Variants in COL4A4 observed in about 807,000 individuals in gnomAD.
The protein encoded by COL4A4 is collagen alpha-4(IV) chain.
In COL4A4, 105 loss-of-function variants were observed where a neutral mutation model predicts 192.9. The ratio of observed to expected loss-of-function variants is 0.54; its 90% CI spans 0.46 to 0.64. COL4A4 has a LOEUF of 0.64. COL4A4 is among the 30% of genes least tolerant of loss of function. The probability of loss-of-function intolerance (pLI) is 0.00; values close to 1 mark genes in which losing one functional copy is unlikely to be tolerated. For missense variants in COL4A4, 1,967 were observed against 2,169.3 expected (o/e 0.91, Z 1.85); for synonymous variants, 762 against 769.9 (o/e 0.99, Z 0.17).
chr2:227,047,603 A>T (rs1230595908), intron 34 of COL4A4, 54 bp from the exon 35 acceptor site: 2 of 1,242,226 alleles, frequency 1.6e-6, no homozygotes, highest in South Asian at 1.2e-5. Context: ...ATTTGGTCTC[A>T]TACAGGTGAC....
At chr2:227,017,808 C>T (rs890022271) in intron 44 of COL4A4, among the ~76,000 whole-genome samples, 1 of 151,508 alleles carries the variant, frequency 6.6e-6, no homozygotes, top group African/African-American at 2.4e-5. Flanking sequence ...TTTTTTTTAC[C>T]TTTTATTTTA....
At chr2:226,983,066 T>A in the COL4A4 span, among the ~76,000 whole-genome samples, 1 of 152,242 alleles carries the variant, frequency 6.6e-6, no homozygotes, top group Non-Finnish European at 1.5e-5. Flanking sequence ...CCAAATGCCA[T>A]GCTAGTGCAA....
Position 227,147,439 on chromosome 2 carries a change from C to G in COL4A4, c.45G>C (p.Leu15Phe). The G allele has an allele frequency of 6.2e-7, 1 of 1,613,798 alleles. No homozygotes were observed. The highest frequency in any genetic ancestry group is 8.5e-7 in the Non-Finnish European group (1 of 1,179,838). ...HIVLMRCSFR[L>F]TKSLATGPWS... ...AGGGACCTGTGGCCAAGGACTTGGTCAATCTGAAGGAGCACCTCATTAGTA... is the reference window on the plus strand; with the variant it reads ...AGGGACCTGTGGCCAAGGACTTGGTGAATCTGAAGGAGCACCTCATTAGTA... The change falls in exon 2 of 48, where the codon TTG becomes TTC. Residue 15 changes from leucine to phenylalanine, a missense_variant. Leu to Phe is a conservative substitution (Grantham distance 22). Transcript: ENST00000396625.
chr2:226,992,880 C>T, the COL4A4 span, among the ~76,000 whole-genome samples: 1 of 152,162 alleles, frequency 6.6e-6, no homozygotes, highest in African/African-American at 2.4e-5. Flanking sequence ...GTCCCTAACA[C>T]CTTCTGAGCC....
At chr2:227,031,794 A>AC (rs1182036455) in intron 40 of COL4A4, 151 bp downstream of exon 40, 1 of 706,048 alleles carries the variant, frequency 1.4e-6, no homozygotes, top group Non-Finnish European at 2.6e-6. Flanking sequence ...CCAAAGTCCC[A>AC]CCCTAACTGT....
chr2:227,073,344 G>T (rs996840033), intron 25 of COL4A4, among the ~76,000 whole-genome samples: 2 of 151,992 alleles, frequency 1.3e-5, no homozygotes, highest in Non-Finnish European at 2.9e-5. Context: ...CTTAACCAAG[G>T]AGGTGAAAGT....
rs530336173 is a variant in COL4A4, at chr2:227,079,911, C to A, written c.1803+532G>T. On this transcript the variant is annotated intron_variant, in intron 24 of 47. Coordinates refer to ENST00000396625, the MANE Select transcript of COL4A4 (RefSeq NM_000092.5). Reference sequence around the variant, plus strand: ...TCTTTTATGACCTTAATTACCATTACCTACACATGGTATCCACCCAACGCA... The same window carrying A: ...TCTTTTATGACCTTAATTACCATTAACTACACATGGTATCCACCCAACGCA... Among the ~76,000 whole-genome samples the A allele has an allele frequency of 7.2e-5, 11 of 152,268 alleles. No homozygotes were observed. The East Asian group carries it at 1.9e-3, about 27-fold the overall frequency.
chr2:227,117,886 A>T (rs1485739402), intron 7 of COL4A4, among the ~76,000 whole-genome samples: 1 of 152,156 alleles, frequency 6.6e-6, no homozygotes, highest in Non-Finnish European at 1.5e-5. Context: ...CTTTTCTAAT[A>T]TATTTTTTTG....
At chr2:227,128,193 C>T (rs531126788) in intron 4 of COL4A4, among the ~76,000 whole-genome samples, 1 of 152,298 alleles carries the variant, frequency 6.6e-6, no homozygotes, top group East Asian at 1.9e-4. Context: ...TAAACCTCTC[C>T]TCTTCCCCCT....
intron 3 of COL4A4, among the ~76,000 whole-genome samples, chr2:227,141,587 A>T (rs1243884191): frequency 6.6e-6 from 1 of 152,220 alleles, no homozygotes; most frequent in Non-Finnish European, 1.5e-5. Context: ...ACAATCCAAA[A>T]GAAAATATCT....
chr2:226,988,591 G>C, the COL4A4 span: 2 of 1,366,800 alleles, frequency 1.5e-6, no homozygotes, highest in African/African-American at 1.5e-5. Flanking sequence ...CATCAGAAGA[G>C]GCCGGGGGCT....
chr2:227,164,273 G>A (rs536531283), upstream of COL4A4: 3 of 234,112 alleles, frequency 1.3e-5, no homozygotes, highest in South Asian at 1.1e-4. The surrounding 1 kb of genome is among the most constrained non-coding windows in gnomAD (Gnocchi z 4.8). Context: ...ACCCTGCGCA[G>A]CCACCTCCCC....
chr2:227,132,372 AG>A (rs2062533826), intron 4 of COL4A4, among the ~76,000 whole-genome samples: 1 of 152,138 alleles, frequency 6.6e-6, no homozygotes, highest in African/African-American at 2.4e-5. Context: ...TTTACGACTG[AG>A]GCCTCCATGG....
chr2:227,065,272 C>A (rs2058244869), intron 25 of COL4A4, among the ~76,000 whole-genome samples: 2 of 152,220 alleles, frequency 1.3e-5, no homozygotes, highest in South Asian at 4.1e-4. Flanking sequence ...AGTCTGAGAT[C>A]AAACTGCAAG....
At chr2:227,035,061 T>C (rs1228288117) in intron 37 of COL4A4, among the ~76,000 whole-genome samples, 1 of 151,926 alleles carries the variant, frequency 6.6e-6, no homozygotes, top group African/African-American at 2.4e-5. Flanking sequence ...CCCCATGATA[T>C]AGGACCCCCT....
intron 3 of COL4A4, among the ~76,000 whole-genome samples, chr2:227,144,261 G>T (rs2063401103): frequency 6.6e-6 from 1 of 151,984 alleles, no homozygotes; most frequent in Non-Finnish European, 1.5e-5. Context: ...CCTCTTGCCT[G>T]TCTCCAAAAA....
intron 4 of COL4A4, among the ~76,000 whole-genome samples, chr2:227,132,957 C>T (rs1477882080): frequency 6.6e-6 from 1 of 152,146 alleles, no homozygotes; most frequent in Admixed American, 6.5e-5. Context: ...TACATTTGTA[C>T]TAAAGAGGTA....
intron 35 of COL4A4, among the ~76,000 whole-genome samples, chr2:227,044,664 C>T: frequency 6.6e-6 from 1 of 151,654 alleles, no homozygotes; most frequent in African/African-American, 2.4e-5. Context: ...GTGTTAAGAA[C>T]AGAACTTCTG....
the COL4A4 span, among the ~76,000 whole-genome samples, chr2:226,971,909 C>T: frequency 6.8e-6 from 1 of 146,406 alleles, no homozygotes; most frequent in African/African-American, 2.5e-5. Context: ...CAAAAGCCCA[C>T]TTTTTTTTTT....
Sources: allele counts gnomAD v4.1 joint callset (sites outside exome capture counted in the v4.1 genomes callset), GRCh38; gene constraint gnomAD v4.1.1; non-coding constraint Gnocchi (gnomAD v3.1); transcripts MANE v1.5; gene names NCBI Gene and HGNC (gene_info 2026-07-23, HGNC 2026-07-21).